Variants in CSNK1G2 observed in about 807,000 individuals in gnomAD.
CSNK1G2 encodes the protein casein kinase 1 gamma 2.
CSNK1G2 carries 11 observed loss-of-function variants against 48.0 expected under a neutral mutation model. The ratio of observed to expected loss-of-function variants is 0.23; its 90% CI spans 0.14 to 0.38. The LOEUF is 0.38. CSNK1G2 is among the 10% of genes least tolerant of loss of function. The pLI is 1.00. For missense variants in CSNK1G2, 446 were observed against 595.5 expected (o/e 0.75, Z 2.61); for synonymous variants, 337 against 254.1 (o/e 1.33, Z -3.10).
At chr19:1,944,848 C>T (rs117158721) in intron 1 of CSNK1G2, among the ~76,000 whole-genome samples, 9 of 152,328 alleles carry the variant, frequency 5.9e-5, no homozygotes, top group East Asian at 3.9e-4. Flanking sequence ...GGCAAGCACC[C>T]GTCTGGCGGG....
At chr19:1,946,294 TTTATTTA>T (rs2014558692) in intron 1 of CSNK1G2, among the ~76,000 whole-genome samples, 1 of 148,390 alleles carries the variant, frequency 6.7e-6, no homozygotes, top group Admixed American at 6.7e-5. Context: ...TTATTTTTTA[TTTATTTA>T]TTTTTTTTAA....
chr19:1,960,300 C>T (rs1266292318), intron 1 of CSNK1G2, among the ~76,000 whole-genome samples: 1 of 152,238 alleles, frequency 6.6e-6, no homozygotes, highest in Non-Finnish European at 1.5e-5. Flanking sequence ...GCACGCAGTC[C>T]CCTGAGATGG....
chr19:1,979,428 C>CCT, intron 8 of CSNK1G2, 25 bp downstream of exon 8: 1 of 1,529,886 alleles, frequency 6.5e-7, no homozygotes, highest in East Asian at 2.5e-5. Flanking sequence ...CGCCCCCGCC[C>CCT]TGTGCCCCCC....
intron 1 of CSNK1G2, among the ~76,000 whole-genome samples, chr19:1,962,863 A>G (rs2015243973): frequency 6.6e-6 from 1 of 152,174 alleles, no homozygotes; most frequent in African/African-American, 2.4e-5. Context: ...GCCCGCAGCC[A>G]CGCAGAAGCC....
Position 1,978,571 on chromosome 19 carries a change from C to A in CSNK1G2, c.299-31C>A. 2.5e-6 allele frequency: 4 copies of A among 1,574,058 alleles called. No individual in the cohort carries two copies. Among genetic ancestry groups the A allele is most frequent in the Non-Finnish European group, 3.4e-6 (4 of 1,160,434 alleles). On this transcript the variant is annotated intron_variant, in intron 4 of 11. Coordinates refer to ENST00000255641, the MANE Select transcript of CSNK1G2 (RefSeq NM_001319.7). The surrounding 1 kb of genome is among the most constrained non-coding windows in gnomAD (Gnocchi z 7.3). ...GCAGGGGCAGGGAGGGGGCTGCCGC[C>A]GCACGCCCGTGCGTCTGTCCTCCGC... is the stretch of plus-strand genomic sequence containing the variant.
chr19:1,979,378 C>T lies in CSNK1G2; in HGVS notation c.828C>T (p.Ile276=), dbSNP rs1215584367. 5.6e-6 allele frequency: 9 copies of T among 1,601,212 alleles called. No homozygotes were observed. Among genetic ancestry groups the T allele is most frequent in the African/African-American group, 2.7e-5 (2 of 74,876 alleles). Residue 276 remains isoleucine (I), a synonymous_variant, in exon 8 of 12, where the codon ATC becomes ATT. Transcript: ENST00000255641. ...KIGDTKRATP[I]EVLCENFPEE... ...GGGACACCAAACGCGCCACGCCCAT[C>T]GAGGTGCTCTGCGAGAACTTCCCAG... is the stretch of plus-strand genomic sequence containing the variant.
At chr19:1,977,821 T>C (rs776946032) in intron 2 of CSNK1G2, among the ~76,000 whole-genome samples, 65 of 150,384 alleles carry the variant, frequency 4.3e-4, no homozygotes, top group Non-Finnish European at 7.2e-4. Flanking sequence ...GCCCTGGAAG[T>C]CCTATGTGGC....
intron 1 of CSNK1G2, among the ~76,000 whole-genome samples, chr19:1,944,782 C>G (rs193052330): frequency 2.0e-5 from 3 of 152,280 alleles, no homozygotes; most frequent in African/African-American, 7.2e-5. Context: ...CAATGCACTG[C>G]GGGCAGCCCT....
Position 1,980,281 on chromosome 19 carries a change from C to T in CSNK1G2, c.*78C>T. ...GACCTTGTGCGAGGCCCTCGGGGCC[C>T]ACCCACAGCGGCCCAGGGCCAGACC... On this transcript the variant is annotated 3_prime_UTR_variant, in exon 12 of 12. Transcript: ENST00000255641. 6.4e-7 allele frequency: 1 copy of T among 1,553,724 alleles called. No individual in the cohort carries two copies. The highest frequency in any genetic ancestry group is 8.9e-7 in the Non-Finnish European group (1 of 1,129,884).
chr19:1,969,901 C>T lies in CSNK1G2; in HGVS notation c.129C>T (p.Gly43=). 1 of 1,312,426 alleles carries T rather than the reference C, an allele frequency of 7.6e-7. No individual in the cohort carries two copies. The highest frequency in any genetic ancestry group is 9.8e-7 in the Non-Finnish European group (1 of 1,022,204). The allele number at this position is 1,312,426 out of a possible 1,614,324, so 81.3% of individuals were successfully genotyped here. Residue 43 remains glycine (G), a synonymous_variant, in exon 2 of 12, where the codon GGC becomes GGT. Transcript: ENST00000255641. The stretch of plus-strand genomic sequence containing the variant: ...CCAGCTCGGGGGTCCTGATGGTGGG[C>T]CCCAACTTCCGCGTCGGCAAGAAGA... The part of the protein sequence containing the change: ...SGTSSGVLMV[G]PNFRVGKKIG...
chr19:1,962,744 T>G (rs1183975362), intron 1 of CSNK1G2, among the ~76,000 whole-genome samples: 1 of 151,690 alleles, frequency 6.6e-6, no homozygotes, highest in African/African-American at 2.4e-5. Context: ...GGAGGACGAC[T>G]CGGTGCAGCA....
intron 1 of CSNK1G2, among the ~76,000 whole-genome samples, chr19:1,948,030 TG>T (rs2014626495): frequency 6.6e-6 from 1 of 152,168 alleles, no homozygotes; most frequent in African/African-American, 2.4e-5. Flanking sequence ...GAAAGCTTCG[TG>T]GGCCGGGACC....
At chr19:1,975,344 A>G in intron 2 of CSNK1G2, 1 of 985,486 alleles carries the variant, frequency 1.0e-6, no homozygotes, top group African/African-American at 1.7e-5. Flanking sequence ...AGCGCAGCTC[A>G]GTGCTTGGTG....
chr19:1,969,608 C>T lies in CSNK1G2; in HGVS notation c.-165C>T, dbSNP rs565824254. On this transcript the variant is annotated 5_prime_UTR_variant, in exon 2 of 12. Coordinates refer to ENST00000255641, the MANE Select transcript of CSNK1G2 (RefSeq NM_001319.7). ...ACTGAGAAGAGCAGCGCGGCCTGGC[C>T]GGCCCGAACGCCTGCGTCTCAGTAG... is the stretch of plus-strand genomic sequence containing the variant. 1.9e-5 allele frequency: 10 copies of T among 527,462 alleles called. No homozygotes were observed. The South Asian group carries it at 3.2e-4, about 17-fold the overall frequency. The allele number at this position is 527,462 out of a possible 1,614,324, so 32.7% of individuals were successfully genotyped here.
At position 1,980,569 on chromosome 19, in the gene CSNK1G2, C is replaced by T. The variant is rs963458349; in HGVS notation, c.*366C>T. ...TCCTGGAGGCCCCCCGGCCTGGCCC[C>T]GCCCCGCCAGCCGCCCCCGTTAGCG... is the stretch of plus-strand genomic sequence containing the variant. On this transcript the variant is annotated 3_prime_UTR_variant, in exon 12 of 12. Coordinates refer to ENST00000255641, the MANE Select transcript of CSNK1G2 (RefSeq NM_001319.7). The T allele has an allele frequency of 4.1e-5, 12 of 295,424 alleles. No homozygotes were observed. The highest frequency in any genetic ancestry group is 5.2e-5 in the Non-Finnish European group (8 of 154,782). 18.3% of individuals were successfully genotyped at this position (295,424 alleles called of 1,614,324 possible).
chr19:1,960,401 A>T (rs1343822542), intron 1 of CSNK1G2, among the ~76,000 whole-genome samples: 1 of 152,274 alleles, frequency 6.6e-6, no homozygotes, highest in African/African-American at 2.4e-5. Flanking sequence ...CCTCGTCGAG[A>T]AAGGCAGGCA....
chr19:1,979,907 C>T lies in CSNK1G2; in HGVS notation c.1087-4C>T, dbSNP rs1219584516. 3.1e-6 allele frequency: 5 copies of T among 1,607,794 alleles called. No individual in the cohort carries two copies. The highest frequency in any genetic ancestry group is 2.2e-5 in the East Asian group (1 of 44,766). On this transcript the variant is annotated splice_region_variant and splice_polypyrimidine_tract_variant and intron_variant, in intron 10 of 11. Coordinates refer to ENST00000255641, the MANE Select transcript of CSNK1G2 (RefSeq NM_001319.7). ...CCAGCGTGACCCCCTACTGCCCCCA[C>T]CAGGCGTTGAACTCCACCAACGGGG...
In CSNK1G2 at chr19:1,979,179, C is replaced by T. The variant is rs539881059; in HGVS notation, c.699C>T (p.Asp233=). 218 of 1,531,482 alleles carry T rather than the reference C, an allele frequency of 1.4e-4. No homozygotes were observed. The African/African-American group carries it at 2.5e-3, about 18-fold the overall frequency. The allele number at this position is 1,531,482 out of a possible 1,614,324, so 94.9% of individuals were successfully genotyped here. A position where few individuals can be genotyped will look rare whatever the true frequency, so the allele number is the denominator to read the frequency against. The change falls in exon 7 of 12, where the codon GAC becomes GAT. Residue 233 remains aspartate (D), a synonymous_variant. Coordinates refer to ENST00000255641, the MANE Select transcript of CSNK1G2 (RefSeq NM_001319.7). ...THLGKEQSRR[D]DLEALGHMFM... Reference sequence around the variant, plus strand: ...TCCCCGCAGAGCAGAGCCGCCGCGACGACCTGGAGGCGCTGGGCCACATGT... The same window carrying T: ...TCCCCGCAGAGCAGAGCCGCCGCGATGACCTGGAGGCGCTGGGCCACATGT...
rs1321872718 is a variant in CSNK1G2 at position 1,968,250 on chromosome 19, C to T, written c.-265-1258C>T. Among the ~76,000 whole-genome samples, 4 of 36,098 alleles carry T rather than the reference C, an allele frequency of 1.1e-4. 1 individual carries two copies. The highest frequency in any genetic ancestry group is 8.8e-4 in the African/African-American group (3 of 3,406). 23.7% of individuals were successfully genotyped at this position (36,098 alleles called of 152,430 possible). A position where few individuals can be genotyped will look rare whatever the true frequency, so the allele number is the denominator to read the frequency against. On this transcript the variant is annotated intron_variant, in intron 1 of 11. Coordinates refer to ENST00000255641, the MANE Select transcript of CSNK1G2 (RefSeq NM_001319.7). ...CCCTTCAGTTCTGCAGGTGGGGCTC[C>T]TCCCTCCTCCCCAGGCTGCCCCCGA... is the stretch of plus-strand genomic sequence containing the variant.
Sources: allele counts gnomAD v4.1 joint callset (sites outside exome capture counted in the v4.1 genomes callset), GRCh38; gene constraint gnomAD v4.1.1; non-coding constraint Gnocchi (gnomAD v3.1); transcripts MANE v1.5; gene names NCBI Gene and HGNC (gene_info 2026-07-23, HGNC 2026-07-21).